PPP4R2: variants seen among roughly 807,000 people sequenced by gnomAD.
PPP4R2 encodes the protein serine/threonine-protein phosphatase 4 regulatory subunit 2.
Under a neutral mutation model 47.2 loss-of-function variants are expected in PPP4R2, and 13 were observed. The ratio of observed to expected loss-of-function variants is 0.28; its 90% CI spans 0.18 to 0.44. The LOEUF (loss-of-function observed/expected upper bound fraction) is 0.44, where lower values mean the gene tolerates loss of function less well. PPP4R2 is among the 20% of genes least tolerant of loss of function. The pLI is 1.00. For synonymous variants in PPP4R2, 151 were observed against 163.3 expected (o/e 0.92, Z 0.57); for missense variants, 421 against 491.2 (o/e 0.86, Z 1.35).
chr3:73,010,885 G>T (rs187177332), intron 2 of PPP4R2, among the ~76,000 whole-genome samples: 47 of 152,172 alleles, frequency 3.1e-4, no homozygotes, highest in Admixed American at 2.0e-3. Flanking sequence ...CATTTATTTT[G>T]TGTCAGACAT....
At position 73,065,100 on chromosome 3, in the gene PPP4R2, G is replaced by T. The variant is rs1344783453; in HGVS notation, c.887G>T (p.Cys296Phe). The T allele has an allele frequency of 1.2e-6, 2 of 1,613,492 alleles. No individual in the cohort carries two copies. Among genetic ancestry groups the T allele is most frequent in the African/African-American group, 1.3e-5 (1 of 74,882 alleles). The part of the protein sequence containing the change: ...DKDSRCTRQH[C>F]TEEDEEEDEE... ...GATAGCCGTTGTACCCGGCAGCACT[G>T]TACAGAAGAGGATGAAGAAGAGGAT... The change falls in exon 8 of 9, where the codon TGT (cysteine) becomes TTT (phenylalanine). Residue 296 changes from cysteine (C) to phenylalanine (F), a missense_variant. Cys to Phe is a radical substitution (Grantham distance 205, BLOSUM62 -2). Transcript: ENST00000356692.
chr3:73,052,246 C>CTTTTTTTT (rs60786869), intron 3 of PPP4R2, among the ~76,000 whole-genome samples: 2 of 139,754 alleles, frequency 1.4e-5, no homozygotes, highest in African/African-American at 2.7e-5. Flanking sequence ...TCTTTCTTTT[C>CTTTTTTTT]TTTTTTTTTT....
intron 2 of PPP4R2, among the ~76,000 whole-genome samples, chr3:73,010,952 A>G (rs1467841678): frequency 1.3e-5 from 2 of 152,224 alleles, no homozygotes; most frequent in Admixed American, 6.5e-5. Context: ...TATCTGAAGT[A>G]GGTCTTTCTC....
In PPP4R2 at chr3:72,997,341, C is replaced by T. The variant is rs140155916; in HGVS notation, c.34+270C>T. The T allele has an allele frequency of 1.7e-3, 606 of 364,910 alleles. 1 individual carries two copies. The highest frequency in any genetic ancestry group is 2.5e-3 in the Non-Finnish European group (513 of 202,236). The allele number at this position is 364,910 out of a possible 1,614,324, so 22.6% of individuals were successfully genotyped here. A position where few individuals can be genotyped will look rare whatever the true frequency, so the allele number is the denominator to read the frequency against. Reference sequence around the variant, plus strand: ...CGGGGGCCCCAGTCTTTCTCCCACCCGTTCAGGGGACGAGTGGCGGACCCG... The same window carrying T: ...CGGGGGCCCCAGTCTTTCTCCCACCTGTTCAGGGGACGAGTGGCGGACCCG... On this transcript the variant is annotated intron_variant, in intron 1 of 8. Transcript: ENST00000356692.
At chr3:73,031,123 GGAGT>G (rs2107276048) in intron 2 of PPP4R2, among the ~76,000 whole-genome samples, 1 of 152,250 alleles carries the variant, frequency 6.6e-6, no homozygotes, top group East Asian at 1.9e-4. Flanking sequence ...CAAAATTTTT[GGAGT>G]AAGTATAACA....
intron 2 of PPP4R2, among the ~76,000 whole-genome samples, chr3:73,034,393 C>G (rs1463625037): frequency 6.6e-6 from 1 of 152,212 alleles, no homozygotes; most frequent in Non-Finnish European, 1.5e-5. Context: ...TATTATTACT[C>G]AGGCTATGGA....
intron 3 of PPP4R2, among the ~76,000 whole-genome samples, chr3:73,058,072 T>A (rs962438049): frequency 6.6e-6 from 1 of 150,496 alleles, no homozygotes; most frequent in Non-Finnish European, 1.5e-5. Context: ...GTAATTCTTA[T>A]GAATGCTAAT....
chr3:73,026,534 A>G lies in PPP4R2; in HGVS notation c.117-20652A>G, dbSNP rs187839385. Among the ~76,000 whole-genome samples, 76 of 152,240 alleles carry G rather than the reference A, an allele frequency of 5.0e-4. No homozygotes were observed. In the Middle Eastern group the frequency reaches 0.014, roughly 27 times the overall value. Reference sequence around the variant, plus strand: ...CCCTGAGGACAACTAAATTCTTTATATATCTTTTCTTACCACATAATAGCT... The same window carrying G: ...CCCTGAGGACAACTAAATTCTTTATGTATCTTTTCTTACCACATAATAGCT... On this transcript the variant is annotated intron_variant, in intron 2 of 8. Transcript: ENST00000356692.
At chr3:73,050,672 A>G (rs971353387) in intron 3 of PPP4R2, among the ~76,000 whole-genome samples, 2 of 152,114 alleles carry the variant, frequency 1.3e-5, no homozygotes, top group African/African-American at 4.8e-5. Context: ...TGCTAGTGGT[A>G]TTTTCCTTTT....
At chr3:73,023,480 C>T (rs1296243932) in intron 2 of PPP4R2, among the ~76,000 whole-genome samples, 1 of 152,182 alleles carries the variant, frequency 6.6e-6, no homozygotes, top group Non-Finnish European at 1.5e-5. Context: ...GCCACAGTGC[C>T]TGGCCAGAAT....
chr3:73,031,989 CAG>C (rs771224743), intron 2 of PPP4R2, among the ~76,000 whole-genome samples: 43 of 152,328 alleles, frequency 2.8e-4, no homozygotes, highest in African/African-American at 9.4e-4. Flanking sequence ...ATGGGGGAAA[CAG>C]AGAGGCTAGG....
intron 1 of PPP4R2, among the ~76,000 whole-genome samples, chr3:72,997,867 C>T (rs556417490): frequency 1.3e-5 from 2 of 152,156 alleles, no homozygotes; most frequent in East Asian, 3.9e-4. Context: ...AAGTTGAGTG[C>T]CCCCTTTAGG....
intron 2 of PPP4R2, among the ~76,000 whole-genome samples, chr3:73,043,988 A>G (rs777669949): frequency 6.6e-5 from 10 of 152,268 alleles, no homozygotes; most frequent in East Asian, 1.9e-4. Context: ...GAATCATACA[A>G]TAGTCGTTCT....
intron 2 of PPP4R2, among the ~76,000 whole-genome samples, chr3:73,008,360 C>T (rs1701655903): frequency 6.6e-6 from 1 of 152,142 alleles, no homozygotes; most frequent in African/African-American, 2.4e-5. Context: ...TCTTTTTCAT[C>T]ACATCATGTA....
intron 3 of PPP4R2, among the ~76,000 whole-genome samples, chr3:73,056,276 T>C (rs1262432132): frequency 6.8e-6 from 1 of 147,384 alleles, no homozygotes; most frequent in Non-Finnish European, 1.5e-5. Flanking sequence ...CAGTTTATTC[T>C]GTCTCCATGG....
intron 2 of PPP4R2, among the ~76,000 whole-genome samples, chr3:73,032,324 G>A (rs1037528475): frequency 6.7e-6 from 1 of 149,754 alleles, no homozygotes; most frequent in African/African-American, 2.5e-5. Flanking sequence ...TCGCTCTGCT[G>A]CCAGGCTGGA....
chr3:73,039,627 A>G (rs1353179592), intron 2 of PPP4R2, among the ~76,000 whole-genome samples: 2 of 152,148 alleles, frequency 1.3e-5, no homozygotes, highest in African/African-American at 2.4e-5. Context: ...ATGTTGGGAG[A>G]CATTTATGGT....
chr3:73,059,155 T>C (rs747018555), intron 4 of PPP4R2, 25 bp downstream of exon 4: 15 of 1,188,706 alleles, frequency 1.3e-5, no homozygotes, highest in African/African-American at 6.2e-5. Context: ...ATTGGAATTA[T>C]ATTATGCTGT....
intron 2 of PPP4R2, among the ~76,000 whole-genome samples, chr3:73,001,441 G>T (rs1227888332): frequency 6.7e-6 from 1 of 149,908 alleles, no homozygotes; most frequent in African/African-American, 2.5e-5. Flanking sequence ...GCATGCGCCT[G>T]TAGTCCCAGC....
Sources: allele counts gnomAD v4.1 joint callset (sites outside exome capture counted in the v4.1 genomes callset), GRCh38; gene constraint gnomAD v4.1.1; transcripts MANE v1.5; gene names NCBI Gene and HGNC (gene_info 2026-07-23, HGNC 2026-07-21).